The following PEX6 variants were observed in gnomAD, a reference collection of about 807,000 sequenced individuals.
The protein encoded by PEX6 is peroxisomal biogenesis factor 6.
Under a neutral mutation model 85.6 loss-of-function variants are expected in PEX6, and 55 were observed. The observed-to-expected ratio is 0.64, with a 90% CI of 0.52 to 0.80. The LOEUF is 0.80. Among genes scored for constraint, PEX6 ranks in the 30% least tolerant of loss-of-function variants. The pLI is 0.00. For missense variants in PEX6, 1,099 were observed against 1,260.3 expected (o/e 0.87, Z 1.94); for synonymous variants, 519 against 549.1 (o/e 0.95, Z 0.77).
In PEX6 at chr6:42,967,285, A is replaced by C. The variant is rs1274139656; in HGVS notation, c.1884+83T>G. ...CGCCCGCGCTGGGTTTTCTACTCTCACTCACAAGGCAACAGGACTGAGTTC... is the reference window on the plus strand; with the variant it reads ...CGCCCGCGCTGGGTTTTCTACTCTCCCTCACAAGGCAACAGGACTGAGTTC... On this transcript the variant is annotated intron_variant, in intron 8 of 16. Coordinates refer to ENST00000304611, the MANE Select transcript of PEX6 (RefSeq NM_000287.4). 59 of 1,377,430 alleles carry C rather than the reference A, an allele frequency of 4.3e-5. No homozygotes were observed. In the East Asian group the frequency reaches 1.4e-3, roughly 33 times the overall value. The allele number at this position is 1,377,430 out of a possible 1,614,324, so 85.3% of individuals were successfully genotyped here.
chr6:42,974,442 G>GTTTTTTTTTTTTTTTTTTTT, intron 2 of PEX6, among the ~76,000 whole-genome samples: 1 of 115,978 alleles, frequency 8.6e-6, no homozygotes, highest in South Asian at 2.7e-4. Context: ...TGTCTGAAAT[G>GTTTTTTTTTTTTTTTTTTTT]TTTTTTTTGT....
intron 2 of PEX6, 96 bp from the exon 3 acceptor site, chr6:42,974,182 G>C (rs1291840053): frequency 3.3e-6 from 3 of 911,742 alleles, no homozygotes; most frequent in Non-Finnish European, 5.4e-6. Flanking sequence ...ACTACTTCTT[G>C]AGTCTACTGC....
chr6:42,964,284 A>G lies in PEX6; in HGVS notation c.*51T>C. ...TCCTTCCCAGATCTCTCTGTGGGCT[A>G]TCAAGGTACCTGCAGCCATGCTGAG... On this transcript the variant is annotated 3_prime_UTR_variant, in exon 17 of 17. Coordinates refer to ENST00000304611, the MANE Select transcript of PEX6 (RefSeq NM_000287.4). This position sits in a 1 kb window ranked among gnomAD's most constrained non-coding sequence, Gnocchi z 4.6. 6.2e-7 allele frequency: 1 copy of G among 1,608,728 alleles called. No individual in the cohort carries two copies.
In PEX6 at chr6:42,964,327, G is replaced by T; in HGVS notation, c.*8C>A. 1 of 1,613,460 alleles carries T rather than the reference G, an allele frequency of 6.2e-7. No homozygotes were observed. Among genetic ancestry groups the T allele is most frequent in the Non-Finnish European group, 8.5e-7 (1 of 1,179,920 alleles). On this transcript the variant is annotated 3_prime_UTR_variant, in exon 17 of 17. Coordinates refer to ENST00000304611, the MANE Select transcript of PEX6 (RefSeq NM_000287.4). The surrounding 1 kb of genome is among the most constrained non-coding windows in gnomAD (Gnocchi z 4.6). ...ATGCTGAGCGGGGTCCCAGACCCTG[G>T]GGGGCTCCTAGCAGGCAGCAAACTT...
chr6:42,969,137 G>A, intron 5 of PEX6, 152 bp from the exon 6 acceptor site: 1 of 660,516 alleles, frequency 1.5e-6, no homozygotes, highest in South Asian at 1.7e-5. Context: ...CCCATGTAGT[G>A]AGGCTGTGTC....
chr6:42,972,351 C>T (rs964083855), intron 3 of PEX6, among the ~76,000 whole-genome samples: 1 of 152,226 alleles, frequency 6.6e-6, no homozygotes, highest in Non-Finnish European at 1.5e-5. Context: ...CACCATTTTA[C>T]ATGGAACCTC....
chr6:42,973,048 G>A (rs1561826252), intron 3 of PEX6, among the ~76,000 whole-genome samples: 3 of 152,072 alleles, frequency 2.0e-5, no homozygotes, highest in Admixed American at 2.0e-4. Flanking sequence ...GTCTTGCTGT[G>A]TCACCCAGGC....
chr6:42,971,547 G>A lies in PEX6; in HGVS notation c.1131-1560C>T, dbSNP rs577259082. The stretch of plus-strand genomic sequence containing the variant: ...CCCATGCAGCCTGGTTTGGGGAAGT[G>A]GAGCACCAGGGACAGGATGAAGAGG... On this transcript the variant is annotated intron_variant, in intron 3 of 16. Coordinates refer to ENST00000304611, the MANE Select transcript of PEX6 (RefSeq NM_000287.4). The surrounding 1 kb of genome is among the most constrained non-coding windows in gnomAD (Gnocchi z 4.4). 7.2e-5 allele frequency among the ~76,000 whole-genome samples: 11 copies of A among 152,200 alleles called. No individual in the cohort carries two copies. Among genetic ancestry groups the A allele is most frequent in the Non-Finnish European group, 1.5e-4 (10 of 68,034 alleles).
Position 42,974,963 on chromosome 6 carries a change from C to T in PEX6, c.958G>A (p.Glu320Lys), listed in dbSNP as rs371018106. The T allele has an allele frequency of 6.2e-6, 10 of 1,613,934 alleles. No homozygotes were observed. The highest frequency in any genetic ancestry group is 1.1e-5 in the South Asian group (1 of 91,072). ...SLLPGPPFAR[E>K]LHIEIVSSPH... ...GAAGACACAATTTCGATGTGTAACT[C>T]TCTGGCAAATGGAGGCCCAGGCAGC... Residue 320 changes from glutamate to lysine, a missense_variant, in exon 2 of 17, where the codon GAG (glutamate) becomes AAG (lysine). Around this residue, in one of 3 missense-constraint regions of PEX6, gnomAD observed 579 missense variants for 611.6 expected, o/e 0.95. Transcript: ENST00000304611.
In PEX6 at chr6:42,964,747, C is replaced by T; in HGVS notation, c.2806+43G>A. ...TGGGACTCAGGTGCACCCAGCTCCC[C>T]ACTAGCTTTTTGGTTGACCTCTCAG... is the stretch of plus-strand genomic sequence containing the variant. On this transcript the variant is annotated intron_variant, in intron 16 of 16. Coordinates refer to ENST00000304611, the MANE Select transcript of PEX6 (RefSeq NM_000287.4). The surrounding 1 kb of genome is among the most constrained non-coding windows in gnomAD (Gnocchi z 4.6). 1.9e-6 allele frequency: 3 copies of T among 1,613,352 alleles called. No individual in the cohort carries two copies. The highest frequency in any genetic ancestry group is 2.5e-6 in the Non-Finnish European group (3 of 1,179,680).
Position 42,964,388 on chromosome 6 carries a change from CACTG to C in PEX6, c.2886_2889del (p.Glu964ArgfsTer90). On this transcript the variant is annotated frameshift_variant, in exon 17 of 17. Coordinates refer to ENST00000304611, the MANE Select transcript of PEX6 (RefSeq NM_000287.4). LOFTEE classifies it high-confidence loss of function. This position sits in a 1 kb window ranked among gnomAD's most constrained non-coding sequence, Gnocchi z 4.6. ...CGCTTGTACCGGAGCAGCTCCTGCT[CACTG>C]ACTGAGGGTTGCAGCCGGGCGGCAG... 1 of 1,613,884 alleles carries C rather than the reference CACTG, an allele frequency of 6.2e-7. No individual in the cohort carries two copies. The highest frequency in any genetic ancestry group is 8.5e-7 in the Non-Finnish European group (1 of 1,180,022).
chr6:42,973,707 A>T (rs923736148), intron 3 of PEX6, among the ~76,000 whole-genome samples: 31 of 152,068 alleles, frequency 2.0e-4, no homozygotes, highest in Admixed American at 2.6e-4. Flanking sequence ...ACAAAAACCA[A>T]TAGCTGGGCG....
Position 42,969,806 on chromosome 6 carries a change from G to GAA in PEX6, c.1234-7_1234-6dup, listed in dbSNP as rs200121485. 7,150 of 1,613,938 alleles carry GAA rather than the reference G, an allele frequency of 4.4e-3. 249 individuals are homozygous for GAA. In the African/African-American group the frequency reaches 0.083, roughly 19 times the overall value. ...AGGGCTCAGGGTAGAACCCACCTGT[G>GAA]AAAGGTAATAAAAAGCTTTCGTTTC... On this transcript the variant is annotated splice_region_variant and splice_polypyrimidine_tract_variant and intron_variant, in intron 4 of 16. Coordinates refer to ENST00000304611, the MANE Select transcript of PEX6 (RefSeq NM_000287.4).
chr6:42,970,963 C>A (rs1051189646), intron 3 of PEX6, among the ~76,000 whole-genome samples: 1 of 152,200 alleles, frequency 6.6e-6, no homozygotes, highest in East Asian at 1.9e-4. Context: ...GGAACAGCTA[C>A]TAACCCAATT....
At position 42,965,248 on chromosome 6, in the gene PEX6, C is replaced by T; in HGVS notation, c.2588+4G>A. The T allele has an allele frequency of 6.2e-7, 1 of 1,612,668 alleles. No individual in the cohort carries two copies. The highest frequency in any genetic ancestry group is 8.5e-7 in the Non-Finnish European group (1 of 1,178,662). ...GGTGGAGATGAGCAGTACAAGGGGC[C>T]CACCTGCCAGGCCGCAGAAGGGCAG... On this transcript the variant is annotated splice_donor_region_variant and intron_variant, in intron 14 of 16. Transcript: ENST00000304611. The surrounding 1 kb of genome is among the most constrained non-coding windows in gnomAD (Gnocchi z 5.0).
chr6:42,966,671 C>T lies in PEX6; in HGVS notation c.1962-14G>A. ...CCACCTGCCAAACTGCAAAGAGGAA[C>T]ACAGGGAAGCCTCCTCACCATCAGC... is the stretch of plus-strand genomic sequence containing the variant. On this transcript the variant is annotated splice_polypyrimidine_tract_variant and intron_variant, in intron 9 of 16. Transcript: ENST00000304611. 6.2e-7 allele frequency: 1 copy of T among 1,614,190 alleles called. No individual in the cohort carries two copies.
At chr6:42,972,631 G>A (rs150448684) in intron 3 of PEX6, among the ~76,000 whole-genome samples, 4,925 of 152,042 alleles carry the variant, frequency 0.032, 231 homozygotes, top group African/African-American at 0.11. Context: ...TTAGCCGGGC[G>A]TGGTGGTGGG....
rs1770398670 is a variant in PEX6, at chr6:42,978,386, C to T, written c.765G>A (p.Leu255=). The stretch of plus-strand genomic sequence containing the variant: ...CTCCCAGCGGTCCAGAGCCGGGTCC[C>T]AGTCTATCAGAGAGGTCCCAGCGAG... ...LEPRWDLSDR[L]GPGSGPLGEP... The change falls in exon 1 of 17, where the codon CTG becomes CTA. Residue 255 remains leucine (L), a synonymous_variant. Transcript: ENST00000304611. The T allele has an allele frequency of 1.2e-6, 2 of 1,614,084 alleles. No homozygotes were observed. Among genetic ancestry groups the T allele is most frequent in the Non-Finnish European group, 8.5e-7 (1 of 1,180,042 alleles).
At position 42,978,587 on chromosome 6, in the gene PEX6, A is replaced by C. The variant is rs569094067; in HGVS notation, c.564T>G (p.Ser188=). The C allele has an allele frequency of 1.9e-6, 3 of 1,611,312 alleles. No homozygotes were observed. Among genetic ancestry groups the C allele is most frequent in the African/African-American group, 2.7e-5 (2 of 75,052 alleles). Residue 188 remains serine (S), a synonymous_variant, in exon 1 of 17, where the codon TCT becomes TCG. Coordinates refer to ENST00000304611, the MANE Select transcript of PEX6 (RefSeq NM_000287.4). The part of the protein sequence containing the change: ...PPPVVSSFAV[S]GTVRRLQGVL... Reference sequence around the variant, plus strand: ...CTCCCTGGAGTCGCCGCACTGTGCCAGAAACCGCAAAGGAGGACACCACGG... The same window carrying C: ...CTCCCTGGAGTCGCCGCACTGTGCCCGAAACCGCAAAGGAGGACACCACGG...
Sources: allele counts gnomAD v4.1 joint callset (sites outside exome capture counted in the v4.1 genomes callset), GRCh38; gene constraint gnomAD v4.1.1; regional missense constraint gnomAD v4.1.1; non-coding constraint Gnocchi (gnomAD v3.1); transcripts MANE v1.5; gene names NCBI Gene and HGNC (gene_info 2026-07-23, HGNC 2026-07-21).